NECAP2: variants seen among roughly 807,000 people sequenced by gnomAD.
NECAP2 encodes NECAP endocytosis associated 2.
NECAP2 carries 38 observed loss-of-function variants against 37.8 expected under a neutral mutation model. That is an observed-to-expected ratio of 1.01 (90% CI 0.78 to 1.32). NECAP2 has a LOEUF of 1.32. NECAP2 is among the 40% of genes most tolerant of loss of function. The pLI is 0.00. For missense variants in NECAP2, 316 were observed against 334.5 expected (o/e 0.94, Z 0.43); for synonymous variants, 121 against 127.7 (o/e 0.95, Z 0.35).
intron 5 of NECAP2, 32 bp from the exon 6 acceptor site, chr1:16,451,806 C>T (rs374166474): frequency 2.0e-4 from 321 of 1,612,980 alleles, no homozygotes; most frequent in Admixed American, 3.5e-4. Context: ...TCCAGCAGAA[C>T]GGGCTGATTT....
At chr1:16,458,774 C>G (rs1015308247) in intron 7 of NECAP2, 68 bp from the exon 8 acceptor site, 3 of 1,564,670 alleles carry the variant, frequency 1.9e-6, no homozygotes, top group Non-Finnish European at 1.7e-6. Context: ...AGAGAGAAAC[C>G]AACTTTTATC....
At chr1:16,445,033 C>A (rs1424962095) in intron 2 of NECAP2, among the ~76,000 whole-genome samples, 1 of 152,146 alleles carries the variant, frequency 6.6e-6, no homozygotes, top group Non-Finnish European at 1.5e-5. Flanking sequence ...ACCATATTGG[C>A]CAGGCTGTTC....
At chr1:16,446,978 T>C (rs1485602495) in intron 2 of NECAP2, among the ~76,000 whole-genome samples, 1 of 151,570 alleles carries the variant, frequency 6.6e-6, no homozygotes, top group Admixed American at 6.6e-5. Flanking sequence ...GAGAATCACT[T>C]GAACCTGGGA....
intron 2 of NECAP2, among the ~76,000 whole-genome samples, chr1:16,444,762 G>A (rs1389441568): frequency 6.6e-6 from 1 of 152,216 alleles, no homozygotes; most frequent in African/African-American, 2.4e-5. Flanking sequence ...ACCCCAGGTA[G>A]TGTCATAAGA....
chr1:16,458,483 A>G (rs549964878), intron 7 of NECAP2, among the ~76,000 whole-genome samples: 26 of 151,898 alleles, frequency 1.7e-4, no homozygotes, highest in African/African-American at 6.0e-4. Flanking sequence ...TCCAGCTACT[A>G]GGGAGGCTGA....
At chr1:16,457,782 G>A (rs1024363296) in intron 7 of NECAP2, among the ~76,000 whole-genome samples, 42 of 145,708 alleles carry the variant, frequency 2.9e-4, no homozygotes, top group African/African-American at 9.3e-4. Flanking sequence ...GCGTGATGTC[G>A]GCTCACTGCA....
chr1:16,440,751 C>T lies in NECAP2; in HGVS notation c.-11C>T, dbSNP rs1046336514. 1.1e-5 allele frequency: 17 copies of T among 1,612,812 alleles called. No homozygotes were observed. The highest frequency in any genetic ancestry group is 1.4e-5 in the Non-Finnish European group (17 of 1,178,948). ...AAGTCGCCGGAAGTTCGGTGGGCTC[C>T]AGGCGTCGCGATGGAGGAGAGCGGG... On this transcript the variant is annotated 5_prime_UTR_variant, in exon 1 of 8. Transcript: ENST00000337132.
chr1:16,444,218 G>A (rs1240704620), intron 2 of NECAP2, among the ~76,000 whole-genome samples: 3 of 152,326 alleles, frequency 2.0e-5, no homozygotes, highest in East Asian at 3.9e-4. Flanking sequence ...GCTGGGTTGT[G>A]TTGGGGTCAG....
In NECAP2 at chr1:16,440,783, T is replaced by C; in HGVS notation, c.22T>C (p.Ser8Pro). 3 of 1,613,756 alleles carry C rather than the reference T, an allele frequency of 1.9e-6. No homozygotes were observed. Among genetic ancestry groups the C allele is most frequent in the Non-Finnish European group, 2.5e-6 (3 of 1,179,934 alleles). ...CGCGATGGAGGAGAGCGGGTACGAG[T>C]CGGTGCTCTGTGTCAAGCCTGACGT... MEESGYE[S>P]VLCVKPDVHV... Residue 8 changes from serine to proline, a missense_variant, in exon 1 of 8, where the codon TCG becomes CCG. This residue lies in a region of NECAP2 where 31 missense variants were observed against 21.7 expected (regional missense o/e 1.43). Coordinates refer to ENST00000337132, the MANE Select transcript of NECAP2 (RefSeq NM_018090.5).
intron 2 of NECAP2, among the ~76,000 whole-genome samples, chr1:16,444,901 C>G (rs1045547262): frequency 6.6e-6 from 1 of 152,226 alleles, no homozygotes; most frequent in African/African-American, 2.4e-5. Context: ...CAGCTCACCA[C>G]AACCTCTGCC....
chr1:16,451,847 A>G lies in NECAP2; in HGVS notation c.499A>G (p.Lys167Glu), dbSNP rs1557690072. 6.2e-7 allele frequency: 1 copy of G among 1,614,110 alleles called. No homozygotes were observed. The highest frequency in any genetic ancestry group is 8.5e-7 in the Non-Finnish European group (1 of 1,179,976). The change falls in exon 6 of 8, where the codon AAG becomes GAG. Residue 167 changes from lysine (K) to glutamate (E), a missense_variant. Transcript: ENST00000337132. ...TIKLNIANMK[K>E]KEGAAGNPRV... ...CCTCTTCCCTCTTTAGAACATGAAGAAGAAGGAAGGAGCAGCTGGGAATCC... is the reference window on the plus strand; with the variant it reads ...CCTCTTCCCTCTTTAGAACATGAAGGAGAAGGAAGGAGCAGCTGGGAATCC...
chr1:16,448,904 A>G (rs1422657094), intron 4 of NECAP2, among the ~76,000 whole-genome samples, 189 bp from the exon 5 acceptor site: 1 of 152,178 alleles, frequency 6.6e-6, no homozygotes, highest in Non-Finnish European at 1.5e-5. Flanking sequence ...ACCAATGTGC[A>G]TGCCGCTACT....
chr1:16,444,070 C>G (rs2086726770), intron 2 of NECAP2, among the ~76,000 whole-genome samples: 1 of 152,184 alleles, frequency 6.6e-6, no homozygotes, highest in Non-Finnish European at 1.5e-5. Flanking sequence ...ATGCACAGCC[C>G]TCTGCCGCTG....
At chr1:16,448,168 C>A in intron 4 of NECAP2, 27 bp downstream of exon 4, 2 of 1,583,312 alleles carry the variant, frequency 1.3e-6, no homozygotes, top group Non-Finnish European at 1.7e-6. Context: ...GACACACGCT[C>A]ATGCCCCTCC....
Position 16,459,939 on chromosome 1 carries a change from CCT to C in NECAP2, c.*1052_*1053del, listed in dbSNP as rs2086990723. The C allele has an allele frequency of 1.3e-5, 2 of 152,320 alleles. No homozygotes were observed. The highest frequency in any genetic ancestry group is 4.8e-5 in the African/African-American group (2 of 41,564). 9.4% of individuals were successfully genotyped at this position (152,320 alleles called of 1,614,324 possible). A position where few individuals can be genotyped will look rare whatever the true frequency, so the allele number is the denominator to read the frequency against. ...CTGGTTTATAAGAAATCTGAAAGCA[CCT>C]CTGACATTCCTTTTATTAACTCACC... is the stretch of plus-strand genomic sequence containing the variant. On this transcript the variant is annotated 3_prime_UTR_variant, in exon 8 of 8. Transcript: ENST00000337132.
Position 16,459,770 on chromosome 1 carries a change from A to G in NECAP2, c.*880A>G, listed in dbSNP as rs1434488772. ...TGGCCCTCTCGGCTCACATGTTCAC[A>G]GTGCAGCTCCTGGCAGACTTGGGTT... On this transcript the variant is annotated 3_prime_UTR_variant, in exon 8 of 8. Coordinates refer to ENST00000337132, the MANE Select transcript of NECAP2 (RefSeq NM_018090.5). 6.6e-6 allele frequency: 1 copy of G among 152,276 alleles called. No individual in the cohort carries two copies. The highest frequency in any genetic ancestry group is 1.5e-5 in the Non-Finnish European group (1 of 68,072). 9.4% of individuals were successfully genotyped at this position (152,276 alleles called of 1,614,324 possible).
Position 16,449,189 on chromosome 1 carries a change from G to A in NECAP2, c.477G>A (p.Lys159=), listed in dbSNP as rs1360071028. The A allele has an allele frequency of 6.2e-7, 1 of 1,610,486 alleles. No individual in the cohort carries two copies. Among genetic ancestry groups the A allele is most frequent in the Admixed American group, 1.7e-5 (1 of 59,564 alleles). Residue 159 remains lysine (K), a synonymous_variant, in exon 5 of 8, where the codon AAG becomes AAA. Coordinates refer to ENST00000337132, the MANE Select transcript of NECAP2 (RefSeq NM_018090.5). ...DLGFKEGQTI[K]LNIANMKKKE... is the part of the protein sequence containing the mutation. ...GCTTCAAGGAGGGCCAGACCATCAA[G>A]CTCAACATCGCAGTGAGTTCTACCC...
intron 6 of NECAP2, among the ~76,000 whole-genome samples, chr1:16,452,999 C>A (rs988428502): frequency 2.0e-5 from 3 of 152,074 alleles, no homozygotes; most frequent in Non-Finnish European, 2.9e-5. Context: ...CAGAGAGCCC[C>A]GGCCCGGTAC....
intron 2 of NECAP2, among the ~76,000 whole-genome samples, chr1:16,444,685 C>T (rs570154736): frequency 1.7e-3 from 260 of 152,294 alleles, no homozygotes; most frequent in Non-Finnish European, 3.0e-3. Context: ...GTACTGGCGG[C>T]AGAGGAGTTT....
Sources: allele counts gnomAD v4.1 joint callset (sites outside exome capture counted in the v4.1 genomes callset), GRCh38; gene constraint gnomAD v4.1.1; regional missense constraint gnomAD v4.1.1; transcripts MANE v1.5; gene names NCBI Gene and HGNC (gene_info 2026-07-23, HGNC 2026-07-21).